Variants in PCDHA1 observed in about 807,000 individuals in gnomAD.
PCDHA1 encodes protocadherin alpha-1.
PCDHA1 carries 42 observed loss-of-function variants against 61.3 expected under a neutral mutation model. That is an observed-to-expected ratio of 0.69 (90% confidence interval 0.54 to 0.89). PCDHA1 has a LOEUF of 0.89. PCDHA1 is among the 40% of genes least tolerant of loss of function. The probability of loss-of-function intolerance (pLI) is 0.00; values close to 1 mark genes in which losing one functional copy is unlikely to be tolerated. For synonymous variants in PCDHA1, 610 were observed against 553.8 expected, an observed-to-expected ratio of 1.10 and a Z score of -1.43; for missense variants, 1,256 against 1,235.3, an observed-to-expected ratio of 1.02 and a Z score of -0.25.
chr5:140,803,375 G>A (rs1562193619), intron 1 of PCDHA1: 1 of 1,614,216 alleles, frequency 6.2e-7, no homozygotes. Flanking sequence ...GCTCCGCGCC[G>A]CCAACCGAAG....
chr5:140,929,283 G>C lies in PCDHA1; in HGVS notation c.2395-49666G>C, dbSNP rs782178876. On this transcript the variant is annotated intron_variant, in intron 1 of 3. Coordinates refer to ENST00000504120, the MANE Select transcript of PCDHA1 (RefSeq NM_018900.4). ...TGAATTTGCCAATATCCTGTATTCA[G>C]ATTCGGAATAGGAAAGGGGATCACG... 52 of 1,600,904 alleles carry C rather than the reference G, an allele frequency of 3.2e-5. No homozygotes were observed. The African/African-American group carries it at 6.7e-4, about 21-fold the overall frequency.
intron 1 of PCDHA1, among the ~76,000 whole-genome samples, chr5:140,961,887 G>GT (rs35680913): frequency 0.069 from 9,857 of 143,718 alleles, 798 homozygotes; most frequent in African/African-American, 0.2. Flanking sequence ...ACTTACATCA[G>GT]TTTTTTTTTT....
At chr5:140,857,599 C>T (rs2044712961) in intron 1 of PCDHA1, 1 of 1,596,308 alleles carries the variant, frequency 6.3e-7, no homozygotes, top group Non-Finnish European at 8.6e-7. Flanking sequence ...GCAAGGTGTA[C>T]GCGCTGCAGC....
At chr5:140,882,971 G>C in intron 1 of PCDHA1, 1 of 1,614,206 alleles carries the variant, frequency 6.2e-7, no homozygotes, top group Non-Finnish European at 8.5e-7. Flanking sequence ...GATTCTGGAC[G>C]TGAATGACAA....
chr5:140,786,177 TCACCG>T lies in PCDHA1; in HGVS notation c.-112_-108del. ...AAGTGAAGGAGGAAGCTCCATTTTG[TCACCG>T]CCTGAGAGAAGACAGAAACGGTAAA... On this transcript the variant is annotated 5_prime_UTR_variant, in exon 1 of 4. Coordinates refer to ENST00000504120, the MANE Select transcript of PCDHA1 (RefSeq NM_018900.4). 3 of 1,379,650 alleles carry T rather than the reference TCACCG, an allele frequency of 2.2e-6. No individual in the cohort carries two copies. Among genetic ancestry groups the T allele is most frequent in the Non-Finnish European group, 3.0e-6 (3 of 1,016,426 alleles). 85.5% of individuals were successfully genotyped at this position (1,379,650 alleles called of 1,614,324 possible).
At chr5:140,948,292 A>G (rs1174586168) in intron 1 of PCDHA1, among the ~76,000 whole-genome samples, 1 of 151,576 alleles carries the variant, frequency 6.6e-6, no homozygotes, top group Non-Finnish European at 1.5e-5. Flanking sequence ...AATTTTGTAA[A>G]GAATATCTTT....
At chr5:140,924,175 A>G (rs1179259744) in intron 1 of PCDHA1, among the ~76,000 whole-genome samples, 4 of 152,244 alleles carry the variant, frequency 2.6e-5, no homozygotes, top group Non-Finnish European at 5.9e-5. Context: ...CTGGCACTGA[A>G]GCAGAAAATT....
chr5:140,858,178 G>A (rs887914398), intron 1 of PCDHA1: 1 of 1,597,564 alleles, frequency 6.3e-7, no homozygotes, highest in East Asian at 2.2e-5. Flanking sequence ...GCTTGCTGGT[G>A]CTCACGCTGC....
intron 1 of PCDHA1, chr5:140,869,751 C>G: frequency 1.2e-6 from 2 of 1,613,134 alleles, no homozygotes. Flanking sequence ...CAGCTACAGA[C>G]GGGGGAAAAC....
At chr5:140,927,975 C>T in intron 1 of PCDHA1, 2 of 1,614,244 alleles carry the variant, frequency 1.2e-6, no homozygotes, top group Non-Finnish European at 1.7e-6. Context: ...TGATTGCTCT[C>T]TTTAGTGTAA....
At chr5:140,924,096 T>A (rs1044149112) in intron 1 of PCDHA1, among the ~76,000 whole-genome samples, 1 of 152,222 alleles carries the variant, frequency 6.6e-6, no homozygotes, top group Non-Finnish European at 1.5e-5. Flanking sequence ...AAAGAATAAA[T>A]TTTCATTCCA....
At position 140,786,591 on chromosome 5, in the gene PCDHA1, G is replaced by A; in HGVS notation, c.301G>A (p.Glu101Lys). 1 of 1,614,262 alleles carries A rather than the reference G, an allele frequency of 6.2e-7. No individual in the cohort carries two copies. Among genetic ancestry groups the A allele is most frequent in the South Asian group, 1.1e-5 (1 of 91,086 alleles). Residue 101 changes from glutamate to lysine, a missense_variant, in exon 1 of 4, where the codon GAG (glutamate) becomes AAG (lysine). Coordinates refer to ENST00000504120, the MANE Select transcript of PCDHA1 (RefSeq NM_018900.4). ...DREELCQWSA[E>K]CSIHLELIAD... Reference sequence around the variant, plus strand: ...CGAGGAGCTGTGCCAGTGGAGCGCGGAGTGCAGCATCCACCTGGAGTTGAT... The same window carrying A: ...CGAGGAGCTGTGCCAGTGGAGCGCGAAGTGCAGCATCCACCTGGAGTTGAT...
intron 1 of PCDHA1, chr5:140,796,777 G>C (rs1554120104): frequency 6.2e-7 from 1 of 1,614,152 alleles, no homozygotes. Flanking sequence ...AGGCTACAAC[G>C]CGTGGCTTTC....
chr5:140,871,673 C>T (rs980419228), intron 1 of PCDHA1: 1 of 1,142,814 alleles, frequency 8.8e-7, no homozygotes, highest in East Asian at 2.6e-5. Flanking sequence ...GTCTTTTAAT[C>T]ATATGAATAA....
chr5:140,801,367 C>A (rs542094254), intron 1 of PCDHA1: 55 of 1,613,426 alleles, frequency 3.4e-5, no homozygotes, highest in Middle Eastern at 1.8e-4. Context: ...CTGGAGCTGG[C>A]GGAGCTGGTG....
chr5:140,875,329 T>C, intron 1 of PCDHA1: 1 of 1,437,476 alleles, frequency 7.0e-7, no homozygotes, highest in Non-Finnish European at 9.1e-7. Flanking sequence ...ATTCACGGAA[T>C]AGGATCGACT....
intron 1 of PCDHA1, among the ~76,000 whole-genome samples, chr5:140,957,344 G>A (rs994510401): frequency 5.9e-5 from 9 of 152,114 alleles, no homozygotes; most frequent in Non-Finnish European, 1.2e-4. Context: ...TATTTTGAGA[G>A]AGAGACCACA....
At chr5:140,824,277 C>A in intron 1 of PCDHA1, 1 of 1,143,246 alleles carries the variant, frequency 8.7e-7, no homozygotes, top group Non-Finnish European at 1.3e-6. Context: ...GTATTATATG[C>A]TTTTTATGAG....
At chr5:140,866,033 A>T (rs934159305) in intron 1 of PCDHA1, 9 of 152,168 alleles carry the variant, frequency 5.9e-5, no homozygotes, top group African/African-American at 2.2e-4. Flanking sequence ...GTTCGTGATC[A>T]TCATTATCAT....
Sources: gnomAD v4.1 joint callset for allele counts (sites outside exome capture counted in the v4.1 genomes callset) on GRCh38, gnomAD v4.1.1 for gene constraint, MANE v1.5 for transcripts, NCBI Gene and HGNC (gene_info 2026-07-23, HGNC 2026-07-21) for gene names.